CCDC85A: variants seen among roughly 807,000 people sequenced by gnomAD.
The protein encoded by CCDC85A is coiled-coil domain containing 85A, also known as coiled-coil domain-containing protein 85A.
CCDC85A carries 38 observed loss-of-function variants against 50.2 expected under a neutral mutation model. That is an observed-to-expected ratio of 0.76 (90% CI 0.58 to 0.99). The LOEUF (loss-of-function observed/expected upper bound fraction) is 0.99. CCDC85A is among the 50% of genes least tolerant of loss of function. CCDC85A has a pLI of 0.00. For missense variants in CCDC85A, 820 were observed against 742.0 expected (o/e 1.11, Z -1.22); for synonymous variants, 366 against 301.4 (o/e 1.21, Z -2.22).
intron 2 of CCDC85A, among the ~76,000 whole-genome samples, chr2:56,271,383 T>C (rs1052517414): frequency 2.6e-5 from 4 of 152,006 alleles, no homozygotes; most frequent in Non-Finnish European, 5.9e-5. Flanking sequence ...ACTGGCTAGA[T>C]TGGCTGGACT....
At chr2:56,227,205 T>C (rs190871719) in intron 2 of CCDC85A, among the ~76,000 whole-genome samples, 7 of 152,282 alleles carry the variant, frequency 4.6e-5, no homozygotes, top group Admixed American at 6.5e-5. Flanking sequence ...TTACATTCTT[T>C]TTTCTTCCAT....
At position 56,298,984 on chromosome 2, in the gene CCDC85A, A is replaced by ACCC. The variant is rs1487169332; in HGVS notation, c.1241-43893_1241-43892insCCC. ...CTTCTTCAACCCTGTCATTCTCATT[A>ACCC]CCATTTGGGACACACAGGGTAGCAA... On this transcript the variant is annotated intron_variant, in intron 2 of 5. Transcript: ENST00000407595. Among the ~76,000 whole-genome samples, 9 of 152,288 alleles carry ACCC rather than the reference A, an allele frequency of 5.9e-5. No homozygotes were observed. The East Asian group carries it at 1.2e-3, about 20-fold the overall frequency.
intron 2 of CCDC85A, among the ~76,000 whole-genome samples, chr2:56,339,935 T>C (rs1296503090): frequency 6.6e-6 from 1 of 152,116 alleles, no homozygotes; most frequent in African/African-American, 2.4e-5. Context: ...TAAAGCAGAG[T>C]TTTAAGATTT....
At chr2:56,211,949 A>C (rs1211300617) in intron 2 of CCDC85A, among the ~76,000 whole-genome samples, 1 of 152,054 alleles carries the variant, frequency 6.6e-6, no homozygotes, top group African/African-American at 2.4e-5. Context: ...ACAAGCCAGC[A>C]GTGCCATCTC....
chr2:56,231,891 A>C (rs1026359156), intron 2 of CCDC85A, among the ~76,000 whole-genome samples: 3 of 151,564 alleles, frequency 2.0e-5, no homozygotes, highest in Non-Finnish European at 2.9e-5. Context: ...AGAGGGTACA[A>C]CTCTCCTATT....
intron 3 of CCDC85A, among the ~76,000 whole-genome samples, chr2:56,365,557 A>T (rs766415246): frequency 1.3e-5 from 2 of 152,148 alleles, no homozygotes; most frequent in African/African-American, 2.4e-5. Context: ...CTGGGACCCA[A>T]AGAAGGAAAA....
chr2:56,321,740 T>G (rs1480425850), intron 2 of CCDC85A, among the ~76,000 whole-genome samples: 2 of 152,056 alleles, frequency 1.3e-5, no homozygotes, highest in African/African-American at 2.4e-5. Flanking sequence ...TAGATTCAAT[T>G]CCATCCCCAT....
chr2:56,340,369 GT>G (rs1284940605), intron 2 of CCDC85A, among the ~76,000 whole-genome samples: 2 of 152,100 alleles, frequency 1.3e-5, no homozygotes. Context: ...GTGCACTACC[GT>G]ATTGCCTCTT....
At chr2:56,269,516 C>T (rs1166024968) in intron 2 of CCDC85A, among the ~76,000 whole-genome samples, 1 of 152,048 alleles carries the variant, frequency 6.6e-6, no homozygotes, top group South Asian at 2.1e-4. Context: ...AGTGTGGGTC[C>T]CAAGGCTTAA....
chr2:56,223,607 G>A (rs1363377430), intron 2 of CCDC85A, among the ~76,000 whole-genome samples: 2 of 152,130 alleles, frequency 1.3e-5, no homozygotes, highest in African/African-American at 4.8e-5. Context: ...TGTCAAAGAA[G>A]ACAAACATTT....
intron 3 of CCDC85A, among the ~76,000 whole-genome samples, chr2:56,368,783 A>T (rs1675929130): frequency 6.7e-6 from 1 of 149,912 alleles, no homozygotes; most frequent in Non-Finnish European, 1.5e-5. Flanking sequence ...AGTTTTAGTC[A>T]ATTGGAAATA....
rs1676805468 is a variant in CCDC85A, at chr2:56,386,065, G to C, written c.*1710G>C. The C allele has an allele frequency of 6.6e-6, 1 of 152,164 alleles. No homozygotes were observed. Among genetic ancestry groups the C allele is most frequent in the Non-Finnish European group, 1.5e-5 (1 of 67,796 alleles). The allele number at this position is 152,164 out of a possible 1,614,324, so 9.4% of individuals were successfully genotyped here. ...ACTGGTCTTTTGACAAAATAAACTT[G>C]TGTAAATTTTGATACTGTATTAAAA... On this transcript the variant is annotated 3_prime_UTR_variant, in exon 6 of 6. Transcript: ENST00000407595.
chr2:56,304,496 C>T (rs893817997), intron 2 of CCDC85A, among the ~76,000 whole-genome samples: 1 of 152,088 alleles, frequency 6.6e-6, no homozygotes, highest in African/African-American at 2.4e-5. Flanking sequence ...GACTAAGTGA[C>T]TTTATTTGCA....
intron 2 of CCDC85A, among the ~76,000 whole-genome samples, chr2:56,321,093 C>G (rs567765982): frequency 6.6e-6 from 1 of 152,116 alleles, no homozygotes; most frequent in Non-Finnish European, 1.5e-5. Context: ...TTCAACAACC[C>G]TTCATGCTAA....
At chr2:56,355,982 A>T (rs1338387187) in intron 3 of CCDC85A, among the ~76,000 whole-genome samples, 1 of 152,246 alleles carries the variant, frequency 6.6e-6, no homozygotes, top group Non-Finnish European at 1.5e-5. Context: ...GCCAAGCTCT[A>T]TCAATTGTTT....
At chr2:56,314,574 A>C (rs1014157264) in intron 2 of CCDC85A, among the ~76,000 whole-genome samples, 1 of 152,126 alleles carries the variant, frequency 6.6e-6, no homozygotes, top group Non-Finnish European at 1.5e-5. Flanking sequence ...CCAGTGATGC[A>C]CTATGATTTT....
intron 2 of CCDC85A, among the ~76,000 whole-genome samples, chr2:56,305,616 C>T (rs1672408452): frequency 6.6e-6 from 1 of 152,228 alleles, no homozygotes; most frequent in Non-Finnish European, 1.5e-5. Flanking sequence ...ATATTTGCCT[C>T]ACAGGCAGCA....
At position 56,184,551 on chromosome 2, in the gene CCDC85A, G is replaced by C; in HGVS notation, c.-74G>C. 7.4e-7 allele frequency: 1 copy of C among 1,350,876 alleles called. No homozygotes were observed. The highest frequency in any genetic ancestry group is 9.5e-7 in the Non-Finnish European group (1 of 1,057,970). The allele number at this position is 1,350,876 out of a possible 1,614,324, so 83.7% of individuals were successfully genotyped here. A position where few individuals can be genotyped will look rare whatever the true frequency, so the allele number is the denominator to read the frequency against. The stretch of plus-strand genomic sequence containing the variant: ...GCGCACAGGGGTGTGGGCGGAGGCG[G>C]CCTCGCCGCGCCCGCGCCTTCGGGA... On this transcript the variant is annotated 5_prime_UTR_variant, in exon 1 of 6. Transcript: ENST00000407595.
At chr2:56,350,685 C>G (rs1674873859) in intron 3 of CCDC85A, among the ~76,000 whole-genome samples, 1 of 151,350 alleles carries the variant, frequency 6.6e-6, no homozygotes. Flanking sequence ...GTTACTACAT[C>G]TCTGACTAAT....
Sources: gnomAD v4.1 joint callset for allele counts (sites outside exome capture counted in the v4.1 genomes callset) on GRCh38, gnomAD v4.1.1 for gene constraint, MANE v1.5 for transcripts, NCBI Gene and HGNC (gene_info 2026-07-23, HGNC 2026-07-21) for gene names.